ZNF346: variants seen among roughly 807,000 people sequenced by gnomAD.
ZNF346 encodes the protein double-stranded RNA-binding zinc finger protein JAZ.
In ZNF346, 23 loss-of-function variants were observed where a neutral mutation model predicts 33.7. The ratio of observed to expected loss-of-function variants is 0.68; its 90% CI spans 0.49 to 0.97. The LOEUF is 0.97. Ranked by LOEUF, ZNF346 falls within the 50% of genes least tolerant of loss-of-function variation. The probability of loss-of-function intolerance (pLI) is 0.00; values close to 1 mark genes in which losing one functional copy is unlikely to be tolerated. For missense variants in ZNF346, 340 were observed against 371.1 expected, an observed-to-expected ratio of 0.92 and a Z score of 0.69; for synonymous variants, 134 against 142.4, an observed-to-expected ratio of 0.94 and a Z score of 0.42.
intron 5 of ZNF346, among the ~76,000 whole-genome samples, chr5:177,051,389 A>T (rs1003470872): frequency 6.6e-6 from 1 of 151,400 alleles, no homozygotes; most frequent in African/African-American, 2.4e-5. Context: ...GTTAGCCAGG[A>T]TGGTCTCGAT....
At chr5:177,028,148 T>C (rs1453560187) in intron 1 of ZNF346, among the ~76,000 whole-genome samples, 1 of 133,524 alleles carries the variant, frequency 7.5e-6, no homozygotes, top group Non-Finnish European at 1.5e-5. Flanking sequence ...GCAATTCTCC[T>C]GCCCCAGCCT....
downstream of ZNF346, among the ~76,000 whole-genome samples, chr5:177,071,664 G>A (rs1242937207): frequency 1.7e-4 from 24 of 144,346 alleles, 1 homozygote; most frequent in South Asian, 4.2e-3. Flanking sequence ...CAGCCTGGGC[G>A]ACAGAGCGAG....
intron 5 of ZNF346, chr5:177,051,996 T>A (rs2149671978): frequency 6.6e-6 from 1 of 152,166 alleles, no homozygotes; most frequent in Admixed American, 6.6e-5. Context: ...AGATCCCATC[T>A]CTACTAAAAA....
At position 177,064,880 on chromosome 5, in the gene ZNF346, C is replaced by G; in HGVS notation, c.*281C>G. 1 of 413,614 alleles carries G rather than the reference C, an allele frequency of 2.4e-6. No individual in the cohort carries two copies. The highest frequency in any genetic ancestry group is 4.4e-6 in the Non-Finnish European group (1 of 227,164). 25.6% of individuals were successfully genotyped at this position (413,614 alleles called of 1,614,324 possible). On this transcript the variant is annotated 3_prime_UTR_variant, in exon 7 of 7. Transcript: ENST00000358149. ...GAGGGTGGCTTTCCCCATTTCCCAA[C>G]CCCTCTGGGCCTTAGGTGCTGAGGC...
intron 5 of ZNF346, chr5:177,053,042 A>T (rs545995250): frequency 6.6e-6 from 1 of 150,652 alleles, no homozygotes; most frequent in African/African-American, 2.4e-5. Context: ...CTCTTGCTGG[A>T]TGCAGTGGCT....
At chr5:177,072,722 G>A (rs975390461), downstream of ZNF346, among the ~76,000 whole-genome samples, 12 of 152,260 alleles carry the variant, frequency 7.9e-5, no homozygotes, top group Admixed American at 5.2e-4. Context: ...GGTGGCGCAC[G>A]TCTGTAGTCC....
At chr5:177,075,692 T>C (rs990059106) in intron 8 of ZNF346, among the ~76,000 whole-genome samples, 8 of 151,770 alleles carry the variant, frequency 5.3e-5, no homozygotes, top group African/African-American at 1.5e-4. Context: ...AATTTTTTTT[T>C]CCTTTTTTTT....
At chr5:177,023,511 C>T (rs1041493604) in intron 1 of ZNF346, among the ~76,000 whole-genome samples, 1 of 152,178 alleles carries the variant, frequency 6.6e-6, no homozygotes, top group Non-Finnish European at 1.5e-5. Flanking sequence ...GCTCCAGCTT[C>T]TTTGTGTCCT....
chr5:177,026,622 G>C (rs898092537), intron 1 of ZNF346, among the ~76,000 whole-genome samples: 2 of 151,954 alleles, frequency 1.3e-5, no homozygotes, highest in African/African-American at 4.8e-5. Context: ...TTGGCCTCCC[G>C]AAGTGTTGGG....
At chr5:177,034,751 A>G (rs1457018945) in intron 1 of ZNF346, among the ~76,000 whole-genome samples, 4 of 152,236 alleles carry the variant, frequency 2.6e-5, no homozygotes, top group Non-Finnish European at 4.4e-5. Context: ...AGTAAAGACC[A>G]TACTTCTGTG....
chr5:177,023,171 C>T, intron 1 of ZNF346: 2 of 1,536,276 alleles, frequency 1.3e-6, no homozygotes, highest in Middle Eastern at 1.7e-4. Flanking sequence ...GCAGTTTTTC[C>T]CACATTCGAG....
intron 1 of ZNF346, among the ~76,000 whole-genome samples, chr5:177,035,426 G>A (rs949201747): frequency 2.0e-5 from 3 of 152,150 alleles, no homozygotes; most frequent in African/African-American, 7.2e-5. Context: ...TGGCAAAAAG[G>A]ATGTGTAGTC....
intron 8 of ZNF346, among the ~76,000 whole-genome samples, chr5:177,074,925 G>A (rs1309441513): frequency 6.6e-6 from 1 of 151,792 alleles, no homozygotes; most frequent in Non-Finnish European, 1.5e-5. Context: ...ATTTAGCCGG[G>A]CATGGTGGTG....
chr5:177,041,775 C>G lies in ZNF346; in HGVS notation c.280-3C>G, dbSNP rs758103004. On this transcript the variant is annotated splice_polypyrimidine_tract_variant and splice_region_variant and intron_variant, in intron 2 of 6. Transcript: ENST00000358149. ...CTTTGATCTTTCTCCTGGGTTTTTG[C>G]AGAGCAAAAAACATGCCAACAAAGT... 5.6e-6 allele frequency: 9 copies of G among 1,604,522 alleles called. No homozygotes were observed. Among genetic ancestry groups the G allele is most frequent in the Non-Finnish European group, 7.7e-6 (9 of 1,172,190 alleles).
At position 177,065,596 on chromosome 5, in the gene ZNF346, T is replaced by C. The variant is rs1274931725; in HGVS notation, c.*997T>C. On this transcript the variant is annotated 3_prime_UTR_variant, in exon 7 of 7. Transcript: ENST00000358149. ...CCCAGGGAAAGAAAGAGAGAGCTGA[T>C]GCAGGTTTCTACAGTGAGGAACAGG... is the stretch of plus-strand genomic sequence containing the variant. The C allele has an allele frequency of 6.6e-6, 1 of 152,642 alleles. No individual in the cohort carries two copies. The highest frequency in any genetic ancestry group is 1.9e-4 in the East Asian group (1 of 5,198). 9.5% of individuals were successfully genotyped at this position (152,642 alleles called of 1,614,324 possible). A position where few individuals can be genotyped will look rare whatever the true frequency, so the allele number is the denominator to read the frequency against.
At chr5:177,042,463 G>C (rs768867381) in intron 3 of ZNF346, among the ~76,000 whole-genome samples, 1 of 151,976 alleles carries the variant, frequency 6.6e-6, no homozygotes, top group African/African-American at 2.4e-5. Context: ...CTTACTGATC[G>C]GGTGAGTTTG....
At chr5:177,031,784 C>T (rs777908119) in intron 1 of ZNF346, among the ~76,000 whole-genome samples, 2 of 151,814 alleles carry the variant, frequency 1.3e-5, no homozygotes, top group Non-Finnish European at 2.9e-5. Flanking sequence ...GTTCATTATT[C>T]TTCAATGTTA....
chr5:177,041,294 C>G, intron 2 of ZNF346, 65 bp downstream of exon 2: 1 of 1,352,934 alleles, frequency 7.4e-7, no homozygotes, highest in Non-Finnish European at 1.1e-6. Context: ...CTAATTCTCT[C>G]TGGCTTGCAT....
intron 1 of ZNF346, among the ~76,000 whole-genome samples, chr5:177,033,717 G>T (rs1778060736): frequency 1.3e-5 from 2 of 152,000 alleles, no homozygotes; most frequent in Non-Finnish European, 2.9e-5. Flanking sequence ...TAGAGATGGG[G>T]TTTCACCATG....
Sources: allele counts gnomAD v4.1 joint callset (sites outside exome capture counted in the v4.1 genomes callset), GRCh38; gene constraint gnomAD v4.1.1; transcripts MANE v1.5; gene names NCBI Gene and HGNC (gene_info 2026-07-23, HGNC 2026-07-21).